SLC35E4: variants seen among roughly 807,000 people sequenced by gnomAD.
SLC35E4 encodes the protein solute carrier family 35 member E4, also known as solute carrier family 35, member E4.
In SLC35E4, 15 loss-of-function variants were observed where a neutral mutation model predicts 19.3. The ratio of observed to expected loss-of-function variants is 0.78; its 90% CI spans 0.52 to 1.20. The LOEUF (loss-of-function observed/expected upper bound fraction) is 1.20. Among genes scored for constraint, SLC35E4 ranks in the 50% most tolerant of loss-of-function variants. The probability of loss-of-function intolerance (pLI) is 0.00; values close to 1 mark genes in which losing one functional copy is unlikely to be tolerated. For synonymous variants in SLC35E4, 219 were observed against 219.9 expected (o/e 1.00, Z 0.04); for missense variants, 406 against 472.3 (o/e 0.86, Z 1.30).
At chr22:30,668,604 G>C (rs990257298) in exon 3 of SLC35E4, 4 of 152,192 alleles carry the variant, frequency 2.6e-5, no homozygotes, top group African/African-American at 4.8e-5. Context: ...TGGTCCCAGC[G>C]CCCTAGGTGG....
intron 1 of SLC35E4, among the ~76,000 whole-genome samples, chr22:30,645,308 C>G (rs2088110177): frequency 6.6e-6 from 1 of 152,028 alleles, no homozygotes; most frequent in Non-Finnish European, 1.5e-5. Flanking sequence ...GGTGAAGAAC[C>G]CTGGGCTGGG....
chr22:30,636,585 C>G lies in SLC35E4; in HGVS notation c.135C>G (p.Gly45=). ...GCCCTCAGGCCCTCCGGCAGCCTGGCCGGGCCCGAGTGGCCATGGCAGCAC... is the reference window on the plus strand; with the variant it reads ...GCCCTCAGGCCCTCCGGCAGCCTGGGCGGGCCCGAGTGGCCATGGCAGCAC... ...PGSPQALRQP[G]RARVAMAALV... Residue 45 remains glycine, a synonymous_variant, in exon 1 of 2, where the codon GGC becomes GGG. Coordinates refer to ENST00000343605, the MANE Select transcript of SLC35E4 (RefSeq NM_001001479.4). 6.3e-7 allele frequency: 1 copy of G among 1,597,584 alleles called. No individual in the cohort carries two copies. Among genetic ancestry groups the G allele is most frequent in the Non-Finnish European group, 8.5e-7 (1 of 1,172,590 alleles).
At chr22:30,660,165 C>G (rs1283270395) in intron 2 of SLC35E4, among the ~76,000 whole-genome samples, 1 of 152,160 alleles carries the variant, frequency 6.6e-6, no homozygotes, top group South Asian at 2.1e-4. Flanking sequence ...AGCAGAGGAC[C>G]TAGTCAAGTC....
chr22:30,654,188 G>C (rs1178558492), intron 2 of SLC35E4: 2 of 268,394 alleles, frequency 7.5e-6, no homozygotes, highest in Non-Finnish European at 1.5e-5. Context: ...GTTTCACCAT[G>C]TTAGCCAGGA....
chr22:30,641,585 G>A (rs117493528), intron 1 of SLC35E4, among the ~76,000 whole-genome samples: 4,770 of 150,540 alleles, frequency 0.032, 122 homozygotes, highest in Non-Finnish European at 0.042. Context: ...TCTCTCTGTC[G>A]CCCAGGCTGG....
rs571193024 is a variant in SLC35E4, at chr22:30,642,608, G to A, written c.620-3990G>A. On this transcript the variant is annotated intron_variant, in intron 1 of 1. Transcript: ENST00000343605. ...CAAAAAAAATTAGCTGGGCATGCTG[G>A]TGCATGCCTGTCATCCCAGCTACTC... is the stretch of plus-strand genomic sequence containing the variant. 5.9e-5 allele frequency among the ~76,000 whole-genome samples: 9 copies of A among 151,958 alleles called. No homozygotes were observed. The East Asian group carries it at 1.4e-3, about 23-fold the overall frequency.
intron 1 of SLC35E4, among the ~76,000 whole-genome samples, chr22:30,644,728 C>T (rs2088100235): frequency 6.6e-6 from 1 of 152,146 alleles, no homozygotes; most frequent in South Asian, 2.1e-4. Flanking sequence ...GAACCAGACC[C>T]TGTCTCAAAT....
At chr22:30,642,410 C>A (rs974405044) in intron 1 of SLC35E4, among the ~76,000 whole-genome samples, 1 of 152,120 alleles carries the variant, frequency 6.6e-6, no homozygotes. Context: ...AGCTCCATTC[C>A]TGAGAGCAGA....
At chr22:30,644,151 T>A (rs1044159360) in intron 1 of SLC35E4, among the ~76,000 whole-genome samples, 18 of 152,210 alleles carry the variant, frequency 1.2e-4, no homozygotes, top group African/African-American at 3.4e-4. Context: ...CTGTTAACTT[T>A]CGAGCCTGCG....
intron 2 of SLC35E4, among the ~76,000 whole-genome samples, chr22:30,653,664 A>G (rs2088272655): frequency 6.6e-6 from 1 of 151,608 alleles, no homozygotes; most frequent in African/African-American, 2.4e-5. Flanking sequence ...CTGAGCCACC[A>G]CGCCTGGCCG....
chr22:30,659,017 G>A (rs1293875856), intron 2 of SLC35E4, among the ~76,000 whole-genome samples: 3 of 151,464 alleles, frequency 2.0e-5, no homozygotes, highest in East Asian at 1.9e-4. Context: ...CCAGCTATTC[G>A]GGAGGCTGAG....
chr22:30,646,467 A>T, intron 1 of SLC35E4, 131 bp from the exon 2 acceptor site: 1 of 1,062,616 alleles, frequency 9.4e-7, no homozygotes, highest in Non-Finnish European at 1.4e-6. Flanking sequence ...GTCATGTTTC[A>T]GATCAGGAGC....
intron 2 of SLC35E4, among the ~76,000 whole-genome samples, chr22:30,655,436 A>AG (rs1373601740): frequency 1.3e-4 from 19 of 151,234 alleles, no homozygotes; most frequent in Non-Finnish European, 2.4e-4. Flanking sequence ...TACCAAAAAA[A>AG]AAAAAAAAAA....
At chr22:30,649,069 C>A, downstream of SLC35E4, 1 of 664,380 alleles carries the variant, frequency 1.5e-6, no homozygotes, top group Non-Finnish European at 2.8e-6. Context: ...CTGGAGATCA[C>A]CTGTTAAAGA....
At chr22:30,668,274 C>T (rs2088753103), downstream of SLC35E4, 1 of 152,372 alleles carries the variant, frequency 6.6e-6, no homozygotes, top group African/African-American at 2.4e-5. Flanking sequence ...CTTCCCGCGC[C>T]GCGGACCGAG....
chr22:30,660,479 A>C (rs537662998), intron 2 of SLC35E4, among the ~76,000 whole-genome samples: 28 of 152,192 alleles, frequency 1.8e-4, no homozygotes, highest in African/African-American at 6.0e-4. Context: ...ACCTAGAGAA[A>C]ATTTTTTAAA....
intron 2 of SLC35E4, chr22:30,661,444 C>CTTTTTTTTTTTTTTTTTTTT (rs56242112): frequency 2.9e-4 from 40 of 136,468 alleles, no homozygotes; most frequent in South Asian, 6.8e-4. Context: ...TTTTCTTTTT[C>CTTTTTTTTTTTTTTTTTTTT]TTTTTTTTTT....
At chr22:30,648,331 G>T (rs768630676), downstream of SLC35E4, among the ~76,000 whole-genome samples, 4 of 152,104 alleles carry the variant, frequency 2.6e-5, no homozygotes, top group Admixed American at 6.6e-5. Context: ...TACCAGGCCT[G>T]CTCACTGAAA....
At chr22:30,641,138 T>C (rs2088029058) in intron 1 of SLC35E4, among the ~76,000 whole-genome samples, 1 of 152,156 alleles carries the variant, frequency 6.6e-6, no homozygotes, top group Non-Finnish European at 1.5e-5. Context: ...GCTGTGAAGG[T>C]CCTAACCTCA....
Sources: allele counts gnomAD v4.1 joint callset (sites outside exome capture counted in the v4.1 genomes callset), GRCh38; gene constraint gnomAD v4.1.1; transcripts MANE v1.5; gene names NCBI Gene and HGNC (gene_info 2026-07-23, HGNC 2026-07-21).